Variants in PRDM16 observed in about 807,000 individuals in gnomAD.
PRDM16 encodes PR/SET domain 16.
In PRDM16, 23 loss-of-function variants were observed where a neutral mutation model predicts 110.6. The ratio of observed to expected loss-of-function variants is 0.21; its 90% CI spans 0.15 to 0.29. PRDM16 has a LOEUF of 0.29. PRDM16 is among the 10% of genes least tolerant of loss of function. The pLI, the probability that PRDM16 is intolerant of heterozygous loss-of-function variation, is 1.00. For synonymous variants in PRDM16, 799 were observed against 781.8 expected (o/e 1.02, Z -0.37); for missense variants, 1,615 against 1,794.3 (o/e 0.90, Z 1.81).
Position 3,187,142 on chromosome 1 carries a change from T to C in PRDM16, c.387+668T>C, listed in dbSNP as rs1039542915. On this transcript the variant is annotated intron_variant, in intron 2 of 16. Coordinates refer to ENST00000270722, the MANE Select transcript of PRDM16 (RefSeq NM_022114.4). ...TGAGAGGGAAGCACCCGGAGTGTCC[T>C]GCCCAGGTTGTGAGGGACGCTAGGC... is the stretch of plus-strand genomic sequence containing the variant. Among the ~76,000 whole-genome samples the C allele has an allele frequency of 2.0e-5, 3 of 152,200 alleles. No individual in the cohort carries two copies. The East Asian group carries it at 5.8e-4, about 29-fold the overall frequency.
chr1:3,330,777 T>A (rs1386936846), intron 3 of PRDM16, among the ~76,000 whole-genome samples: 1 of 152,044 alleles, frequency 6.6e-6, no homozygotes, highest in Non-Finnish European at 1.5e-5. Flanking sequence ...CGAGGGCGAG[T>A]CAGACCCCAG....
intron 1 of PRDM16, among the ~76,000 whole-genome samples, chr1:3,126,241 C>T (rs1481176447): frequency 4.6e-5 from 7 of 152,310 alleles, no homozygotes; most frequent in African/African-American, 1.4e-4. Context: ...CAGCTCTCGC[C>T]GCCGCCGCAC....
chr1:3,403,752 CTT>C (rs1486615983), intron 6 of PRDM16, among the ~76,000 whole-genome samples: 3 of 152,204 alleles, frequency 2.0e-5, no homozygotes, highest in African/African-American at 4.8e-5. Flanking sequence ...GCTATGGAGA[CTT>C]TTCCAACCTG....
chr1:3,314,200 G>A (rs924122838), intron 3 of PRDM16, among the ~76,000 whole-genome samples: 77 of 152,058 alleles, frequency 5.1e-4, no homozygotes, highest in Non-Finnish European at 5.4e-4. Context: ...GTTCTCCCAC[G>A]TGGTGGGGGA....
At chr1:3,384,252 A>AT (rs1232685503) in intron 3 of PRDM16, among the ~76,000 whole-genome samples, 2 of 151,710 alleles carry the variant, frequency 1.3e-5, no homozygotes, top group African/African-American at 2.4e-5. Context: ...GCGTGGCCCC[A>AT]TCCCCTGCCC....
chr1:3,075,681 C>T (rs764181137), intron 1 of PRDM16, among the ~76,000 whole-genome samples: 2 of 152,282 alleles, frequency 1.3e-5, no homozygotes, highest in Admixed American at 6.5e-5. Flanking sequence ...GAATAAGGCT[C>T]TGTGCCGTCC....
intron 1 of PRDM16, among the ~76,000 whole-genome samples, chr1:3,083,246 T>C (rs1174389579): frequency 6.6e-6 from 1 of 152,148 alleles, no homozygotes. Flanking sequence ...TCGGGTCTCC[T>C]GGCTGCGCCC....
intron 2 of PRDM16, among the ~76,000 whole-genome samples, chr1:3,219,634 C>T (rs1342841957): frequency 6.6e-6 from 1 of 152,202 alleles, no homozygotes; most frequent in African/African-American, 2.4e-5. Context: ...AGATCCCCGC[C>T]ACAGCTCTGC....
At chr1:3,315,502 A>G (rs1302217771) in intron 3 of PRDM16, among the ~76,000 whole-genome samples, 1 of 152,202 alleles carries the variant, frequency 6.6e-6, no homozygotes, top group Non-Finnish European at 1.5e-5. Flanking sequence ...ATAAGCCATC[A>G]ATAAGAACCA....
intron 14 of PRDM16, among the ~76,000 whole-genome samples, chr1:3,427,086 G>A (rs950970799): frequency 1.3e-5 from 2 of 152,264 alleles, no homozygotes; most frequent in Non-Finnish European, 2.9e-5. Flanking sequence ...AGAGACACAT[G>A]TACACGCATG....
At chr1:3,418,245 G>A (rs1274404287) in intron 11 of PRDM16, among the ~76,000 whole-genome samples, 2 of 152,136 alleles carry the variant, frequency 1.3e-5, no homozygotes, top group East Asian at 3.9e-4. Context: ...GCCTGAACTG[G>A]GAAGGCTGGG....
rs1168029109 is a variant in PRDM16 at position 3,435,418 on chromosome 1, C to A, written c.*1607C>A. On this transcript the variant is annotated 3_prime_UTR_variant, in exon 17 of 17. Transcript: ENST00000270722. ...TTATGTGCCAAATACCCCCGTCCCC[C>A]CCATGAATCCTGCTGTCCCTGCTGC... The A allele has an allele frequency of 1.3e-5, 3 of 231,232 alleles. No homozygotes were observed. The highest frequency in any genetic ancestry group is 2.6e-5 in the Non-Finnish European group (3 of 116,946). The allele number at this position is 231,232 out of a possible 1,614,324, so 14.3% of individuals were successfully genotyped here.
chr1:3,274,835 A>T (rs1232429597), intron 3 of PRDM16, among the ~76,000 whole-genome samples: 1 of 152,184 alleles, frequency 6.6e-6, no homozygotes, highest in African/African-American at 2.4e-5. Flanking sequence ...TGTCGAGGGC[A>T]TGGAGGCATG....
chr1:3,431,542 C>T (rs1345448003), intron 15 of PRDM16, among the ~76,000 whole-genome samples: 2 of 152,364 alleles, frequency 1.3e-5, no homozygotes, highest in African/African-American at 2.4e-5. Context: ...CGGGCCTGGG[C>T]GACACTGCCA....
intron 3 of PRDM16, 132 bp from the exon 4 acceptor site, chr1:3,385,020 G>T: frequency 3.6e-6 from 4 of 1,099,952 alleles, no homozygotes; most frequent in Non-Finnish European, 5.4e-6. Context: ...CCCGGAGGGT[G>T]GGCTGAGGTC....
At chr1:3,138,933 G>A (rs894655084) in intron 1 of PRDM16, among the ~76,000 whole-genome samples, 3 of 152,120 alleles carry the variant, frequency 2.0e-5, no homozygotes, top group African/African-American at 4.8e-5. Context: ...GGATGAGGCC[G>A]TTCCTTGCGC....
chr1:3,122,139 C>G lies in PRDM16; in HGVS notation c.37+52843C>G, dbSNP rs909588476. On this transcript the variant is annotated intron_variant, in intron 1 of 16. Transcript: ENST00000270722. ...CGTCCAGCCATGGCCTGGACACAGA[C>G]AGCCGGGCTGTGTGGCACAGGACTG... Among the ~76,000 whole-genome samples the G allele has an allele frequency of 2.0e-5, 3 of 152,212 alleles. No individual in the cohort carries two copies. The South Asian group carries it at 6.2e-4, about 32-fold the overall frequency.
At chr1:3,286,202 C>CACT (rs1382812526) in intron 3 of PRDM16, among the ~76,000 whole-genome samples, 1 of 152,154 alleles carries the variant, frequency 6.6e-6, no homozygotes, top group Non-Finnish European at 1.5e-5. Flanking sequence ...CACAGTGGTC[C>CACT]CAGTAATTGA....
intron 3 of PRDM16, among the ~76,000 whole-genome samples, chr1:3,314,075 G>A (rs905222736): frequency 1.3e-5 from 2 of 151,234 alleles, no homozygotes; most frequent in Admixed American, 6.6e-5. Context: ...CCCCACCGGG[G>A]GGGGGGGCGG....
Sources: gnomAD v4.1 joint callset for allele counts (sites outside exome capture counted in the v4.1 genomes callset) on GRCh38, gnomAD v4.1.1 for gene constraint, MANE v1.5 for transcripts, NCBI Gene and HGNC (gene_info 2026-07-23, HGNC 2026-07-21) for gene names.